MSN: variants seen among roughly 807,000 people sequenced by gnomAD.
MSN encodes the protein moesin.
A neutral mutation model predicts 48.0 loss-of-function variants in MSN; 2 were observed. The observed-to-expected ratio is 0.04, with a 90% CI of 0.02 to 0.13. The LOEUF is 0.13. Ranked by LOEUF, MSN falls within the 10% of genes least tolerant of loss-of-function variation. The probability of loss-of-function intolerance (pLI) is 1.00; values close to 1 mark genes in which losing one functional copy is unlikely to be tolerated. For missense variants in MSN, 267 were observed against 470.1 expected (o/e 0.57, Z 3.99); for synonymous variants, 146 against 166.9 (o/e 0.87, Z 0.97).
At chrX:65,611,998 A>T (rs1197651888) in intron 1 of MSN, among the ~76,000 whole-genome samples, 2 of 112,052 alleles carry the variant, frequency 1.8e-5, no homozygotes, top group African/African-American at 6.5e-5. Context: ...TTGATATTTT[A>T]TATCTTCTTT....
chrX:65,619,779 G>A (rs1243771988), intron 1 of MSN, among the ~76,000 whole-genome samples: 1 of 109,274 alleles, frequency 9.2e-6, no homozygotes, highest in Non-Finnish European at 1.9e-5. Flanking sequence ...AGGAGGAGAG[G>A]TGCTCTGCTT....
At chrX:65,655,828 G>A (rs2070776892) in intron 1 of MSN, among the ~76,000 whole-genome samples, 1 of 112,178 alleles carries the variant, frequency 8.9e-6, no homozygotes, top group African/African-American at 3.2e-5. Flanking sequence ...GTGCAGTGGC[G>A]TGACCTTGGC....
intron 1 of MSN, among the ~76,000 whole-genome samples, chrX:65,707,883 A>G (rs1043879965): frequency 2.7e-5 from 3 of 112,310 alleles, no homozygotes; most frequent in African/African-American, 9.7e-5. Context: ...TTCAGGCCCC[A>G]GCTGTTACTA....
chrX:65,610,710 G>T (rs1403642481), intron 1 of MSN, among the ~76,000 whole-genome samples: 2 of 112,100 alleles, frequency 1.8e-5, no homozygotes, highest in Non-Finnish European at 3.8e-5. Context: ...GCACCATTTT[G>T]CATTATTACT....
At chrX:65,704,884 C>T (rs2071345993) in intron 1 of MSN, among the ~76,000 whole-genome samples, 1 of 108,213 alleles carries the variant, frequency 9.2e-6, no homozygotes, top group Non-Finnish European at 1.9e-5. Flanking sequence ...ATTTTCCTGT[C>T]TCAGCCGCCC....
At chrX:65,677,015 A>G (rs2071005825) in intron 1 of MSN, among the ~76,000 whole-genome samples, 1 of 110,428 alleles carries the variant, frequency 9.1e-6, no homozygotes, top group Admixed American at 9.7e-5. Context: ...TTTAGTAGAG[A>G]TGAGGTTTCA....
At chrX:65,733,455 C>A (rs746143658) in intron 7 of MSN, among the ~76,000 whole-genome samples, 175 bp downstream of exon 7, 1 of 112,322 alleles carries the variant, frequency 8.9e-6, no homozygotes, top group African/African-American at 3.2e-5. Context: ...GATGTTGATG[C>A]CAAGAAATGG....
chrX:65,622,137 C>T (rs2070453578), intron 1 of MSN, among the ~76,000 whole-genome samples: 1 of 104,673 alleles, frequency 9.6e-6, no homozygotes, highest in Admixed American at 1.0e-4. Flanking sequence ...CTCTGTTGCC[C>T]AGGTTGGAGT....
chrX:65,656,779 C>T (rs1252805439), intron 1 of MSN, among the ~76,000 whole-genome samples: 2 of 110,516 alleles, frequency 1.8e-5, no homozygotes, highest in Non-Finnish European at 3.8e-5. Context: ...GAGGTAGGGC[C>T]CGGGAAGCCC....
chrX:65,673,842 A>G (rs1402323379), intron 1 of MSN, among the ~76,000 whole-genome samples: 1 of 111,506 alleles, frequency 9.0e-6, no homozygotes, highest in Non-Finnish European at 1.9e-5. Flanking sequence ...GATTTGAGTG[A>G]ACTGGTGATA....
At chrX:65,597,186 G>A (rs1186474698) in intron 1 of MSN, among the ~76,000 whole-genome samples, 5 of 109,080 alleles carry the variant, frequency 4.6e-5, no homozygotes, top group Admixed American at 9.8e-5. Flanking sequence ...GAGTAGCTAG[G>A]ACCACCATGC....
intron 1 of MSN, among the ~76,000 whole-genome samples, chrX:65,675,991 G>A (rs1283403796): frequency 8.9e-6 from 1 of 112,855 alleles, no homozygotes; most frequent in Non-Finnish European, 1.9e-5. Flanking sequence ...AGGTATGTGA[G>A]AGGGTCTTTT....
chrX:65,612,187 T>C (rs1434374620), intron 1 of MSN, among the ~76,000 whole-genome samples: 1 of 104,495 alleles, frequency 9.6e-6, no homozygotes, highest in Non-Finnish European at 1.9e-5. Flanking sequence ...GGAGTGGGTT[T>C]GTTATTGTGG....
At chrX:65,615,556 GT>G (rs1467336242) in intron 1 of MSN, among the ~76,000 whole-genome samples, 4 of 106,690 alleles carry the variant, frequency 3.7e-5, no homozygotes, top group Non-Finnish European at 7.7e-5. Flanking sequence ...GGGGTTGTTT[GT>G]TTTTTTCTTG....
At chrX:65,619,285 T>C (rs1174738614) in intron 1 of MSN, among the ~76,000 whole-genome samples, 1 of 102,562 alleles carries the variant, frequency 9.8e-6, no homozygotes, top group Non-Finnish European at 1.9e-5. Flanking sequence ...TTCTCCTGGA[T>C]AATATCCTGC....
intron 1 of MSN, among the ~76,000 whole-genome samples, chrX:65,643,362 A>G (rs1244792486): frequency 9.0e-6 from 1 of 110,818 alleles, no homozygotes; most frequent in Non-Finnish European, 1.9e-5. Context: ...GAGTGTCTAG[A>G]GGAAGATTTG....
At chrX:65,588,753 T>C in intron 1 of MSN, 1 of 391,679 alleles carries the variant, frequency 2.6e-6, no homozygotes, top group Non-Finnish European at 3.3e-6. Context: ...CACTGAAATG[T>C]TGATCAGTGT....
At chrX:65,630,544 G>A (rs73629463) in intron 1 of MSN, among the ~76,000 whole-genome samples, 1,605 of 111,211 alleles carry the variant, frequency 0.014, 27 homozygotes, top group African/African-American at 0.049. Context: ...AACTATGATC[G>A]TGCCGCTGCA....
intron 1 of MSN, among the ~76,000 whole-genome samples, chrX:65,597,682 T>C (rs1187766521): frequency 2.7e-5 from 3 of 111,815 alleles, no homozygotes. Flanking sequence ...ATTGAATCAA[T>C]TTTATAACCT....
Sources: allele counts gnomAD v4.1 joint callset (sites outside exome capture counted in the v4.1 genomes callset), GRCh38; gene constraint gnomAD v4.1.1; transcripts MANE v1.5; gene names NCBI Gene and HGNC (gene_info 2026-07-23, HGNC 2026-07-21).